Variants in ROBO1 observed in about 807,000 individuals in gnomAD.
ROBO1 encodes roundabout homolog 1.
In ROBO1, 149 loss-of-function variants were observed where a neutral mutation model predicts 195.9. The observed-to-expected ratio is 0.76, with a 90% CI of 0.67 to 0.87. The LOEUF is 0.87. ROBO1 is among the 40% of genes least tolerant of loss of function. The probability of loss-of-function intolerance (pLI) is 0.00; values close to 1 mark genes in which losing one functional copy is unlikely to be tolerated. For synonymous variants in ROBO1, 816 were observed against 733.2 expected (o/e 1.11, Z -1.82); for missense variants, 1,933 against 2,068.3 (o/e 0.93, Z 1.27).
intron 2 of ROBO1, among the ~76,000 whole-genome samples, chr3:79,126,939 A>T (rs1397035204): frequency 6.6e-6 from 1 of 151,694 alleles, no homozygotes; most frequent in Non-Finnish European, 1.5e-5. Context: ...TCCCCCCCTA[A>T]TCTCCCTGCT....
chr3:78,682,656 TGTATATATACGTATATATACAC>T (rs1403357235), intron 10 of ROBO1, among the ~76,000 whole-genome samples: 25 of 147,596 alleles, frequency 1.7e-4, no homozygotes, highest in South Asian at 4.2e-4. Flanking sequence ...AATGTGACTG[TGTATATATACGTATATATACAC>T]GTATATATAC....
intron 2 of ROBO1, among the ~76,000 whole-genome samples, chr3:79,254,938 T>C (rs2108921241): frequency 6.6e-6 from 1 of 152,228 alleles, no homozygotes; most frequent in South Asian, 2.1e-4. Context: ...TGCACAGGGG[T>C]ACATGAGCAA....
Position 79,079,558 on chromosome 3 carries a change from A to G in ROBO1, c.172+45898T>C, listed in dbSNP as rs959849405. ...GTCTACAGTAGGGCAAATGGAGAACAAAATTCATCAATAATTTCCTGTAGG... is the reference window on the plus strand; with the variant it reads ...GTCTACAGTAGGGCAAATGGAGAACGAAATTCATCAATAATTTCCTGTAGG... On this transcript the variant is annotated intron_variant, in intron 3 of 30. Coordinates refer to ENST00000464233, the MANE Select transcript of ROBO1 (RefSeq NM_002941.4). Among the ~76,000 whole-genome samples the G allele has an allele frequency of 1.1e-4, 16 of 151,878 alleles. 1 individual carries two copies. Among genetic ancestry groups the G allele is most frequent in the African/African-American group, 2.4e-5 (1 of 41,420 alleles).
intron 2 of ROBO1, among the ~76,000 whole-genome samples, chr3:79,262,640 A>G (rs867476227): frequency 2.8e-4 from 42 of 152,244 alleles, no homozygotes; most frequent in African/African-American, 9.6e-4. Context: ...GAATAAACAT[A>G]GCTTACAGTA....
chr3:79,623,961 C>T (rs2107991150), intron 1 of ROBO1, among the ~76,000 whole-genome samples: 1 of 152,232 alleles, frequency 6.6e-6, no homozygotes, highest in East Asian at 1.9e-4. Flanking sequence ...GGCCTGGTCA[C>T]CTACAAAGGG....
chr3:79,611,899 A>C lies in ROBO1; in HGVS notation c.-50-21938T>G, dbSNP rs191609884. On this transcript the variant is annotated intron_variant, in intron 1 of 30. Transcript: ENST00000464233. ...ACTTAAAGTATAACAACAACAACAA[A>C]AAAAGAATAAAGTCCAAAAGAAAAT... is the stretch of plus-strand genomic sequence containing the variant. Among the ~76,000 whole-genome samples the C allele has an allele frequency of 4.0e-4, 61 of 152,214 alleles. No individual in the cohort carries two copies. The South Asian group carries it at 0.011, about 28-fold the overall frequency.
chr3:79,240,110 AGT>A, intron 2 of ROBO1, among the ~76,000 whole-genome samples: 1 of 152,320 alleles, frequency 6.6e-6, no homozygotes, highest in Non-Finnish European at 1.5e-5. Context: ...TATTAACTAT[AGT>A]CACTATATTA....
intron 3 of ROBO1, among the ~76,000 whole-genome samples, chr3:78,974,309 A>C (rs2076838322): frequency 6.6e-6 from 1 of 152,128 alleles, no homozygotes; most frequent in Admixed American, 6.6e-5. Flanking sequence ...CCAGTGATTC[A>C]GAACTTTAGA....
At chr3:78,885,059 A>G (rs2036465631) in intron 4 of ROBO1, among the ~76,000 whole-genome samples, 1 of 152,030 alleles carries the variant, frequency 6.6e-6, no homozygotes, top group Non-Finnish European at 1.5e-5. Context: ...AATTCTGAGC[A>G]TTCTCACTAT....
intron 2 of ROBO1, among the ~76,000 whole-genome samples, chr3:79,580,196 G>C (rs868208215): frequency 1.3e-5 from 2 of 152,036 alleles, no homozygotes; most frequent in African/African-American, 2.4e-5. Flanking sequence ...TCCCAGCCAG[G>C]CTCAGTGGCT....
rs529000817 is a variant in ROBO1, at chr3:79,413,373, A to C, written c.88+176451T>G. ...AGGAGATTGTGGCCAGGTGCAGAGAAAAGTTCTGTGAAAAGAGTAAGCTCA... is the reference window on the plus strand; with the variant it reads ...AGGAGATTGTGGCCAGGTGCAGAGACAAGTTCTGTGAAAAGAGTAAGCTCA... On this transcript the variant is annotated intron_variant, in intron 2 of 30. Transcript: ENST00000464233. Among the ~76,000 whole-genome samples, 59 of 152,164 alleles carry C rather than the reference A, an allele frequency of 3.9e-4. 1 individual carries two copies. Among genetic ancestry groups the C allele is most frequent in the African/African-American group, 1.4e-3 (58 of 41,546 alleles).
intron 22 of ROBO1, among the ~76,000 whole-genome samples, chr3:78,637,984 T>TGG (rs370449394): frequency 9.7e-5 from 13 of 134,470 alleles, no homozygotes; most frequent in African/African-American, 3.3e-4. Context: ...GGTTTTTTTT[T>TGG]GGGGGGGGGA....
At chr3:79,499,233 G>A (rs902298493) in intron 2 of ROBO1, among the ~76,000 whole-genome samples, 7 of 152,138 alleles carry the variant, frequency 4.6e-5, no homozygotes, top group Admixed American at 3.9e-4. Context: ...GACCTCAGGT[G>A]ATCCACCCAC....
At chr3:79,382,218 A>T (rs1385113412) in intron 2 of ROBO1, among the ~76,000 whole-genome samples, 1 of 152,128 alleles carries the variant, frequency 6.6e-6, no homozygotes, top group Non-Finnish European at 1.5e-5. Context: ...ATGAATTAAA[A>T]CTCTCAAAAA....
chr3:79,144,592 G>A (rs574867326), intron 2 of ROBO1, among the ~76,000 whole-genome samples: 1 of 152,062 alleles, frequency 6.6e-6, no homozygotes, highest in African/African-American at 2.4e-5. Context: ...CTGAGATGAA[G>A]AGGAATGAAG....
chr3:78,742,624 T>G (rs2082559905), intron 5 of ROBO1, among the ~76,000 whole-genome samples: 1 of 152,222 alleles, frequency 6.6e-6, no homozygotes, highest in African/African-American at 2.4e-5. Flanking sequence ...TCATAATTTA[T>G]ACAAAACACA....
At chr3:78,792,777 A>C (rs1234615280) in intron 4 of ROBO1, among the ~76,000 whole-genome samples, 1 of 152,212 alleles carries the variant, frequency 6.6e-6, no homozygotes, top group Non-Finnish European at 1.5e-5. Context: ...CACATTATAA[A>C]ATAAGTAATA....
intron 4 of ROBO1, among the ~76,000 whole-genome samples, chr3:78,778,939 A>T (rs1394074202): frequency 1.3e-5 from 2 of 152,204 alleles, no homozygotes; most frequent in Admixed American, 1.3e-4. Context: ...CAGAGGCCTC[A>T]GAAATAACGC....
At chr3:79,183,564 G>T (rs2081383970) in intron 2 of ROBO1, among the ~76,000 whole-genome samples, 1 of 152,198 alleles carries the variant, frequency 6.6e-6, no homozygotes, top group Non-Finnish European at 1.5e-5. Context: ...TCCTTGCTAA[G>T]AAACATTCTC....
Sources: allele counts gnomAD v4.1 joint callset (sites outside exome capture counted in the v4.1 genomes callset), GRCh38; gene constraint gnomAD v4.1.1; transcripts MANE v1.5; gene names NCBI Gene and HGNC (gene_info 2026-07-23, HGNC 2026-07-21).